AKAP11: variants seen among roughly 807,000 people sequenced by gnomAD.
AKAP11 encodes A-kinase anchor protein 11.
A neutral mutation model predicts 146.1 loss-of-function variants in AKAP11; 36 were observed. The observed-to-expected ratio is 0.25, with a 90% CI of 0.19 to 0.33. The LOEUF is 0.33. Ranked by LOEUF, AKAP11 falls within the 10% of genes least tolerant of loss-of-function variation. AKAP11 has a pLI of 1.00. For missense variants in AKAP11, 2,201 were observed against 2,197.0 expected, an observed-to-expected ratio of 1.00 and a Z score of -0.04; for synonymous variants, 780 against 786.5, an observed-to-expected ratio of 0.99 and a Z score of 0.14.
chr13:42,288,158 A>G (rs771228387), intron 3 of AKAP11, among the ~76,000 whole-genome samples: 9 of 152,228 alleles, frequency 5.9e-5, no homozygotes, highest in Non-Finnish European at 1.2e-4. Flanking sequence ...GGAAATTGAA[A>G]GATATACTTG....
At chr13:42,282,857 C>T (rs184483724) in intron 1 of AKAP11, among the ~76,000 whole-genome samples, 415 of 152,270 alleles carry the variant, frequency 2.7e-3, no homozygotes, top group Admixed American at 9.1e-3. Flanking sequence ...CTATAGATAA[C>T]GCACTTAGTT....
rs1960044988 is a variant in AKAP11, at chr13:42,303,150, T to C, written c.4404T>C (p.Asp1468=). 6.2e-7 allele frequency: 1 copy of C among 1,614,080 alleles called. No individual in the cohort carries two copies. The highest frequency in any genetic ancestry group is 1.7e-5 in the Admixed American group (1 of 60,008). The change falls in exon 8 of 13, where the codon GAT becomes GAC. Residue 1468 remains aspartate (D), a synonymous_variant. Transcript: ENST00000025301. ...CTCTGGTTCACAGCATAACAAAAGATGCTAAGGAAGAGTTGACAGCCTCTC... is the reference window on the plus strand; with the variant it reads ...CTCTGGTTCACAGCATAACAAAAGACGCTAAGGAAGAGTTGACAGCCTCTC... ...STSLVHSITK[D]AKEELTASLV...
At chr13:42,284,283 G>A (rs1044791508) in intron 1 of AKAP11, among the ~76,000 whole-genome samples, 6 of 152,322 alleles carry the variant, frequency 3.9e-5, no homozygotes, top group African/African-American at 1.4e-4. Flanking sequence ...CAGAAATGCT[G>A]AGTCAAAGAA....
intron 1 of AKAP11, among the ~76,000 whole-genome samples, chr13:42,275,986 T>C (rs1465097290): frequency 6.6e-6 from 1 of 152,154 alleles, no homozygotes; most frequent in South Asian, 2.1e-4. Context: ...ATTTCTTGAC[T>C]TCAGTGACAC....
At position 42,301,981 on chromosome 13, in the gene AKAP11, T is replaced by C. The variant is rs759595279; in HGVS notation, c.3235T>C (p.Cys1079Arg). 1 of 1,614,106 alleles carries C rather than the reference T, an allele frequency of 6.2e-7. No individual in the cohort carries two copies. Among genetic ancestry groups the C allele is most frequent in the Admixed American group, 1.7e-5 (1 of 60,018 alleles). ...SHTFSSTALTCVDGLHVEDKQ... is the reference protein window; with the variant it reads ...SHTFSSTALTRVDGLHVEDKQ... ...TACTTTCTCATCTACAGCACTTACC[T>C]GTGTAGATGGTTTGCATGTGGAAGA... Residue 1079 changes from cysteine (C) to arginine (R), a missense_variant, in exon 8 of 13, where the codon TGT becomes CGT. By Grantham distance (180) the Cys-to-Arg change is radical. Around this residue, in one of 3 missense-constraint regions of AKAP11, gnomAD observed 1,867 missense variants for 1,833.5 expected, o/e 1.02. Coordinates refer to ENST00000025301, the MANE Select transcript of AKAP11 (RefSeq NM_016248.4).
Position 42,313,113 on chromosome 13 carries a change from C to G in AKAP11, c.5340C>G (p.Ser1780=). ...GAGATTTGTATGAGGACAATTTATC[C>G]TTTCCAACATCAGACAGGTTGGTCC... ...LEGDLYEDNL[S]FPTSDSDGPD... The change falls in exon 10 of 13, where the codon TCC becomes TCG. Residue 1780 remains serine, a synonymous_variant. Coordinates refer to ENST00000025301, the MANE Select transcript of AKAP11 (RefSeq NM_016248.4). The G allele has an allele frequency of 6.2e-7, 1 of 1,612,844 alleles. No homozygotes were observed. Among genetic ancestry groups the G allele is most frequent in the South Asian group, 1.1e-5 (1 of 90,868 alleles).
intron 1 of AKAP11, among the ~76,000 whole-genome samples, chr13:42,279,293 TCA>T (rs34199473): frequency 0.012 from 1,804 of 146,324 alleles, 25 homozygotes; most frequent in East Asian, 0.077. Flanking sequence ...TCTCTCTCTC[TCA>T]CTCACTCACT....
In AKAP11 at chr13:42,313,168, G is replaced by A. The variant is rs1395854166; in HGVS notation, c.5357+38G>A. 3.4e-6 allele frequency: 5 copies of A among 1,456,144 alleles called. No individual in the cohort carries two copies. The East Asian group carries it at 1.1e-4, about 33-fold the overall frequency. 90.2% of individuals were successfully genotyped at this position (1,456,144 alleles called of 1,614,324 possible). On this transcript the variant is annotated intron_variant, in intron 10 of 12. Transcript: ENST00000025301. ...TAGAAACTTAAAAACTGATGAGTCT[G>A]TCACCACTAATGCATGATGTCATAT...
chr13:42,309,287 A>C (rs923083681), intron 9 of AKAP11, among the ~76,000 whole-genome samples: 3 of 152,198 alleles, frequency 2.0e-5, no homozygotes, highest in African/African-American at 4.8e-5. Flanking sequence ...CTAACCTATA[A>C]AATTCTATAA....
intron 1 of AKAP11, among the ~76,000 whole-genome samples, chr13:42,283,880 A>G (rs563849527): frequency 2.6e-5 from 4 of 152,276 alleles, no homozygotes; most frequent in African/African-American, 7.2e-5. Context: ...CCATGGCGTC[A>G]TTGTGGGAAT....
intron 1 of AKAP11, among the ~76,000 whole-genome samples, chr13:42,276,334 C>A (rs962444062): frequency 6.6e-6 from 1 of 152,164 alleles, no homozygotes; most frequent in African/African-American, 2.4e-5. Context: ...CAACCTCCTC[C>A]TCCCAGGGCT....
Position 42,302,362 on chromosome 13 carries a change from A to G in AKAP11, c.3616A>G (p.Ile1206Val). Residue 1206 changes from isoleucine (I) to valine (V), a missense_variant, in exon 8 of 13, where the codon ATC becomes GTC. Physicochemically the swap from Ile to Val is conservative, Grantham distance 29. This residue lies in a region of AKAP11 where 1,867 missense variants were observed against 1,833.5 expected (regional missense o/e 1.02). Transcript: ENST00000025301. ...VQFAEALATH[I>V]LSLATEMAAS... Reference sequence around the variant, plus strand: ...GTTTGCAGAAGCATTAGCTACACACATCCTTTCTCTTGCAACTGAAATGGC... The same window carrying G: ...GTTTGCAGAAGCATTAGCTACACACGTCCTTTCTCTTGCAACTGAAATGGC... 3.7e-6 allele frequency: 6 copies of G among 1,614,174 alleles called. No individual in the cohort carries two copies. The highest frequency in any genetic ancestry group is 5.1e-6 in the Non-Finnish European group (6 of 1,180,012).
At chr13:42,311,628 G>C (rs1048908012) in intron 9 of AKAP11, among the ~76,000 whole-genome samples, 2 of 152,094 alleles carry the variant, frequency 1.3e-5, no homozygotes, top group African/African-American at 4.8e-5. Context: ...ATAGGTAGGT[G>C]ATGGATTTTA....
chr13:42,303,964 C>A, intron 8 of AKAP11, 101 bp downstream of exon 8: 1 of 1,376,620 alleles, frequency 7.3e-7, no homozygotes, highest in South Asian at 1.7e-5. Context: ...TTATTTTTAA[C>A]CCTACATAAA....
rs1035937921 is a variant in AKAP11 at position 42,283,010 on chromosome 13, G to A, written c.-99-2976G>A. On this transcript the variant is annotated intron_variant, in intron 1 of 12. Coordinates refer to ENST00000025301, the MANE Select transcript of AKAP11 (RefSeq NM_016248.4). ...TCTTCTTGTGAAATCTGTCAAAAACGATGTGCTCTCTAATTATATAAGATG... is the reference window on the plus strand; with the variant it reads ...TCTTCTTGTGAAATCTGTCAAAAACAATGTGCTCTCTAATTATATAAGATG... Among the ~76,000 whole-genome samples the A allele has an allele frequency of 2.0e-5, 3 of 152,246 alleles. No individual in the cohort carries two copies. The South Asian group carries it at 6.2e-4, about 32-fold the overall frequency.
chr13:42,315,757 C>T (rs546202515), intron 11 of AKAP11, among the ~76,000 whole-genome samples: 1 of 152,244 alleles, frequency 6.6e-6, no homozygotes, highest in East Asian at 1.9e-4. Context: ...AAGTTACAGC[C>T]AGCTTTAAAT....
intron 12 of AKAP11, 112 bp from the exon 13 acceptor site, chr13:42,318,976 A>AT: frequency 7.8e-7 from 1 of 1,274,152 alleles, no homozygotes; most frequent in South Asian, 1.4e-5. Context: ...AGGAAACGGT[A>AT]TTTAATTGTA....
rs373876270 is a variant in AKAP11 at position 42,302,530 on chromosome 13, G to C, written c.3784G>C (p.Asp1262His). 1.9e-5 allele frequency: 31 copies of C among 1,614,010 alleles called. No individual in the cohort carries two copies. In the Admixed American group the frequency reaches 5.0e-4, roughly 26 times the overall value. ...GAAAACATTATGCAATTTTGCGGGT[G>C]ATCTGGCAGCAGAAGTCATTACAGA... ...NLKTLCNFAG[D>H]LAAEVITEAE... The change falls in exon 8 of 13, where the codon GAT becomes CAT. Residue 1262 changes from aspartate to histidine, a missense_variant. Physicochemically the swap from Asp to His is moderately conservative, Grantham distance 81. This residue lies in a region of AKAP11 where 1,867 missense variants were observed against 1,833.5 expected (regional missense o/e 1.02). Transcript: ENST00000025301.
chr13:42,280,785 C>T (rs907135822), intron 1 of AKAP11, among the ~76,000 whole-genome samples: 4 of 151,950 alleles, frequency 2.6e-5, no homozygotes, highest in African/African-American at 7.3e-5. Flanking sequence ...TGAACTGGTG[C>T]GTGAATAGTA....
Sources: allele counts gnomAD v4.1 joint callset (sites outside exome capture counted in the v4.1 genomes callset), GRCh38; gene constraint gnomAD v4.1.1; regional missense constraint gnomAD v4.1.1; transcripts MANE v1.5; gene names NCBI Gene and HGNC (gene_info 2026-07-23, HGNC 2026-07-21).